ANKRD12: variants seen among roughly 807,000 people sequenced by gnomAD.
The protein encoded by ANKRD12 is ankyrin repeat domain-containing protein 12.
Under a neutral mutation model 183.4 loss-of-function variants are expected in ANKRD12, and 85 were observed. The observed-to-expected ratio is 0.46, with a 90% CI of 0.39 to 0.56. The LOEUF is 0.56. ANKRD12 is among the 20% of genes least tolerant of loss of function. The pLI, the probability that ANKRD12 is intolerant of heterozygous loss-of-function variation, is 0.00. For missense variants in ANKRD12, 2,405 were observed against 2,357.1 expected (o/e 1.02, Z -0.42); for synonymous variants, 914 against 800.2 (o/e 1.14, Z -2.40).
chr18:9,147,874 T>G (rs1261338008), intron 1 of ANKRD12, among the ~76,000 whole-genome samples: 1 of 152,192 alleles, frequency 6.6e-6, no homozygotes, highest in South Asian at 2.1e-4. Context: ...TTCACTGTAC[T>G]TACTCTGTGA....
intron 1 of ANKRD12, among the ~76,000 whole-genome samples, chr18:9,137,280 A>C (rs1042074479): frequency 6.8e-6 from 1 of 146,170 alleles, no homozygotes; most frequent in Non-Finnish European, 1.5e-5. Flanking sequence ...GGAGCCGCCA[A>C]CTGGGCGGGG....
chr18:9,199,670 A>G (rs902971074), intron 3 of ANKRD12, among the ~76,000 whole-genome samples: 8 of 152,028 alleles, frequency 5.3e-5, no homozygotes, highest in Non-Finnish European at 1.5e-5. Flanking sequence ...ATTCCTTTAT[A>G]TTTTTGTTTA....
intron 2 of ANKRD12, among the ~76,000 whole-genome samples, chr18:9,193,658 C>T (rs913520127): frequency 2.0e-5 from 3 of 152,072 alleles, no homozygotes; most frequent in Admixed American, 6.5e-5. Flanking sequence ...TGTTATGCCC[C>T]TTTTTCCTCC....
At chr18:9,271,448 G>T (rs1234366881) in intron 10 of ANKRD12, among the ~76,000 whole-genome samples, 1 of 152,150 alleles carries the variant, frequency 6.6e-6, no homozygotes, top group Non-Finnish European at 1.5e-5. Flanking sequence ...GAACCCAGGA[G>T]GCGGAGGTTG....
At chr18:9,260,220 T>G (rs1210999828) in intron 9 of ANKRD12, 1 of 152,166 alleles carries the variant, frequency 6.6e-6, no homozygotes, top group Non-Finnish European at 1.5e-5. Flanking sequence ...TCCCTCACAT[T>G]TATGTAATCC....
intron 8 of ANKRD12, among the ~76,000 whole-genome samples, chr18:9,232,243 G>A (rs2037094449): frequency 2.0e-5 from 3 of 152,090 alleles, no homozygotes. Flanking sequence ...GTGTTTTCAT[G>A]GTAGTAACTA....
At position 9,224,317 on chromosome 18, in the gene ANKRD12, T is replaced by C. The variant is rs192385188; in HGVS notation, c.943+2318T>C. Among the ~76,000 whole-genome samples the C allele has an allele frequency of 3.1e-4, 47 of 151,946 alleles. No individual in the cohort carries two copies. In the East Asian group the frequency reaches 8.5e-3, roughly 28 times the overall value. On this transcript the variant is annotated intron_variant, in intron 8 of 12. Coordinates refer to ENST00000262126, the MANE Select transcript of ANKRD12 (RefSeq NM_015208.5). Reference sequence around the variant, plus strand: ...AAAGAGGGATATGAAAGGAGAAAGATTGGAAGACAGAGAGAGGGGTAGGTG... The same window carrying C: ...AAAGAGGGATATGAAAGGAGAAAGACTGGAAGACAGAGAGAGGGGTAGGTG...
intron 10 of ANKRD12, among the ~76,000 whole-genome samples, chr18:9,271,363 A>C (rs529134065): frequency 6.6e-6 from 1 of 152,276 alleles, no homozygotes; most frequent in African/African-American, 2.4e-5. Flanking sequence ...GTCTCTACTA[A>C]AAATACAAAA....
intron 1 of ANKRD12, among the ~76,000 whole-genome samples, chr18:9,173,435 G>GT (rs1483916924): frequency 6.6e-6 from 1 of 152,122 alleles, no homozygotes; most frequent in African/African-American, 2.4e-5. Context: ...GTTGTTTTCT[G>GT]TTTTTCTTTT....
At chr18:9,171,275 C>T (rs1231736876) in intron 1 of ANKRD12, among the ~76,000 whole-genome samples, 2 of 152,218 alleles carry the variant, frequency 1.3e-5, no homozygotes, top group East Asian at 1.9e-4. Flanking sequence ...GTCGCTGATG[C>T]TGGGAGCTGT....
chr18:9,226,065 TATATATGAG>T (rs2036690424), intron 8 of ANKRD12, among the ~76,000 whole-genome samples: 2 of 152,244 alleles, frequency 1.3e-5, no homozygotes, highest in Admixed American at 1.3e-4. Flanking sequence ...AAATATAATG[TATATATGAG>T]ATATATGAGT....
intron 1 of ANKRD12, among the ~76,000 whole-genome samples, chr18:9,154,138 G>A (rs909395105): frequency 4.6e-5 from 7 of 152,090 alleles, no homozygotes; most frequent in African/African-American, 7.2e-5. Context: ...ATTACTCTGC[G>A]GCTGGGCACA....
intron 2 of ANKRD12, among the ~76,000 whole-genome samples, chr18:9,183,896 C>A (rs2033871636): frequency 6.6e-6 from 1 of 151,810 alleles, no homozygotes; most frequent in Admixed American, 6.6e-5. Flanking sequence ...TTTATGTTGC[C>A]ATTTTTGGTT....
intron 6 of ANKRD12, among the ~76,000 whole-genome samples, chr18:9,212,422 C>T (rs2144647038): frequency 6.6e-6 from 1 of 151,916 alleles, no homozygotes; most frequent in South Asian, 2.1e-4. Context: ...GAAATCATTC[C>T]ATCTGTATCA....
At chr18:9,225,918 A>C (rs1261469260) in intron 8 of ANKRD12, among the ~76,000 whole-genome samples, 1 of 151,898 alleles carries the variant, frequency 6.6e-6, no homozygotes, top group Non-Finnish European at 1.5e-5. Context: ...CCTTTATTAC[A>C]CTATCACATA....
intron 1 of ANKRD12, among the ~76,000 whole-genome samples, chr18:9,174,754 A>T (rs926212643): frequency 6.6e-6 from 1 of 152,132 alleles, no homozygotes; most frequent in Non-Finnish European, 1.5e-5. Context: ...TGCTGTTGTC[A>T]TTCTTCTCTA....
Position 9,182,510 on chromosome 18 carries a change from T to A in ANKRD12, c.78T>A (p.Tyr26Ter). The A allele has an allele frequency of 6.2e-7, 1 of 1,604,062 alleles. No homozygotes were observed. Among genetic ancestry groups the A allele is most frequent in the Non-Finnish European group, 8.5e-7 (1 of 1,174,376 alleles). ...ACAGCAATATGGTAGAGAAACCATA[T>A]GGAAGAAAGGTATATGATTATACTA... is the stretch of plus-strand genomic sequence containing the variant. ...DSDSNMVEKP[Y>*]GRKSKDKIAS... Residue 26 changes from tyrosine (Y) to a stop codon, truncating the protein, a stop_gained, in exon 2 of 13, where the codon TAT becomes TAA. Transcript: ENST00000262126. LOFTEE classifies it high-confidence loss of function.
At chr18:9,165,147 C>A (rs1043081283) in intron 1 of ANKRD12, among the ~76,000 whole-genome samples, 1 of 152,010 alleles carries the variant, frequency 6.6e-6, no homozygotes. Flanking sequence ...TTTACCATTA[C>A]GTGATGTCGT....
intron 8 of ANKRD12, among the ~76,000 whole-genome samples, chr18:9,223,878 G>C (rs1220924723): frequency 2.0e-5 from 3 of 152,168 alleles, no homozygotes; most frequent in Admixed American, 6.5e-5. Context: ...GAGTTGTTCT[G>C]TGTTCAGTAA....
Sources: gnomAD v4.1 joint callset for allele counts (sites outside exome capture counted in the v4.1 genomes callset) on GRCh38, gnomAD v4.1.1 for gene constraint, MANE v1.5 for transcripts, NCBI Gene and HGNC (gene_info 2026-07-23, HGNC 2026-07-21) for gene names.